FOXP2: variants seen among roughly 807,000 people sequenced by gnomAD.
FOXP2 encodes the protein forkhead box P2.
Under a neutral mutation model 115.8 loss-of-function variants are expected in FOXP2, and 12 were observed. That is an observed-to-expected ratio of 0.10 (90% CI 0.07 to 0.17). The LOEUF is 0.17. Ranked by LOEUF, FOXP2 falls within the 10% of genes least tolerant of loss-of-function variation. FOXP2 has a pLI of 1.00. For synonymous variants in FOXP2, 328 were observed against 297.7 expected, an observed-to-expected ratio of 1.10 and a Z score of -1.05; for missense variants, 629 against 843.5, an observed-to-expected ratio of 0.75 and a Z score of 3.15.
chr7:114,216,066 T>C (rs1320102863), intron 1 of FOXP2, among the ~76,000 whole-genome samples: 1 of 152,120 alleles, frequency 6.6e-6, no homozygotes, highest in Non-Finnish European at 1.5e-5. Flanking sequence ...TTCATCTTCT[T>C]TACAGAAAGA....
intron 1 of FOXP2, among the ~76,000 whole-genome samples, chr7:114,152,314 C>T (rs1167363153): frequency 6.6e-6 from 1 of 152,072 alleles, no homozygotes; most frequent in Non-Finnish European, 1.5e-5. Flanking sequence ...CTATTATGTA[C>T]ACATCTTAAT....
chr7:114,111,710 A>AC (rs1791271775), intron 1 of FOXP2, among the ~76,000 whole-genome samples: 1 of 152,064 alleles, frequency 6.6e-6, no homozygotes, highest in Non-Finnish European at 1.5e-5. Context: ...ACAGGATTTA[A>AC]AAAAATATAT....
At chr7:114,433,010 T>G (rs1794183286) in intron 2 of FOXP2, among the ~76,000 whole-genome samples, 1 of 152,006 alleles carries the variant, frequency 6.6e-6, no homozygotes. Flanking sequence ...CTAGAGAGTT[T>G]GCAAAATGTC....
chr7:114,420,265 A>T (rs939286211), intron 1 of FOXP2, among the ~76,000 whole-genome samples: 2 of 151,906 alleles, frequency 1.3e-5, no homozygotes, highest in African/African-American at 2.4e-5. Context: ...TGGGAATTTG[A>T]CTGTAAGTGG....
chr7:114,690,020 CTATT>C lies in FOXP2; in HGVS notation c.*99_*102del, dbSNP rs1808578437. ...AATATTTGACAAATTTTTACTGTGA[CTATT>C]TATTAAGCATGGATAAAGGAGACAG... is the stretch of plus-strand genomic sequence containing the variant. On this transcript the variant is annotated 3_prime_UTR_variant, in exon 17 of 17. Transcript: ENST00000350908. 2.7e-6 allele frequency: 4 copies of C among 1,475,916 alleles called. No individual in the cohort carries two copies. The highest frequency in any genetic ancestry group is 4.6e-5 in the East Asian group (2 of 43,862). The allele number at this position is 1,475,916 out of a possible 1,614,324, so 91.4% of individuals were successfully genotyped here.
intron 1 of FOXP2, among the ~76,000 whole-genome samples, chr7:114,266,626 C>T (rs1795902451): frequency 6.6e-6 from 1 of 152,170 alleles, no homozygotes; most frequent in African/African-American, 2.4e-5. Flanking sequence ...TGCCCCCAGA[C>T]ACCTCCCAAT....
intron 3 of FOXP2, among the ~76,000 whole-genome samples, chr7:114,614,660 G>A (rs370540230): frequency 2.2e-4 from 34 of 152,116 alleles, no homozygotes; most frequent in East Asian, 1.9e-3. Context: ...TGGCATTGAT[G>A]CTAACATACG....
At chr7:114,456,656 T>C (rs946739782) in intron 2 of FOXP2, among the ~76,000 whole-genome samples, 1 of 152,234 alleles carries the variant, frequency 6.6e-6, no homozygotes, top group Non-Finnish European at 1.5e-5. Flanking sequence ...ATCATTGTGA[T>C]TGATTTTTAA....
At position 114,133,521 on chromosome 7, in the gene FOXP2, C is replaced by T. The variant is rs1437220865; in HGVS notation, c.-246-29423C>T. On this transcript the variant is annotated intron_variant, in intron 1 of 19. Transcript: ENST00000635638. Reference sequence around the variant, plus strand: ...TCCAAGGACTGAGCCCTGGGGCGTTCCACTGTTGATATTTTGAGTAAATAA... The same window carrying T: ...TCCAAGGACTGAGCCCTGGGGCGTTTCACTGTTGATATTTTGAGTAAATAA... Among the ~76,000 whole-genome samples, 5 of 152,216 alleles carry T rather than the reference C, an allele frequency of 3.3e-5. No individual in the cohort carries two copies. The East Asian group carries it at 9.6e-4, about 29-fold the overall frequency.
rs148678106 is a variant in FOXP2, at chr7:114,362,930, G to A, written c.-10-63572G>A. ...CTTGTTAAAGGGTGGATGACAACTG[G>A]AAGAGAAGTCTATAATTGACATAGC... On this transcript the variant is annotated intron_variant, in intron 2 of 17. Coordinates refer to the FOXP2 transcript ENST00000634411. 9.8e-3 allele frequency among the ~76,000 whole-genome samples: 1,494 copies of A among 152,110 alleles called. 20 individuals are homozygous for A. The highest frequency in any genetic ancestry group is 0.018 in the Admixed American group (279 of 15,264).
chr7:114,331,532 A>G (rs1271180964), intron 2 of FOXP2, among the ~76,000 whole-genome samples: 2 of 152,062 alleles, frequency 1.3e-5, no homozygotes, highest in African/African-American at 4.8e-5. Context: ...TGGTCATTGG[A>G]TTGGCTGTGG....
intron 3 of FOXP2, among the ~76,000 whole-genome samples, chr7:114,566,938 T>C (rs1801053419): frequency 6.6e-6 from 1 of 151,904 alleles, no homozygotes; most frequent in Admixed American, 6.6e-5. Flanking sequence ...TTGCAAAAAA[T>C]ATTATTTTTC....
intron 2 of FOXP2, among the ~76,000 whole-genome samples, chr7:114,457,210 ATTTG>A (rs1243450141): frequency 6.6e-6 from 1 of 152,160 alleles, no homozygotes; most frequent in East Asian, 1.9e-4. Context: ...GGATATGTTT[ATTTG>A]TTTGACAGTA....
intron 1 of FOXP2, among the ~76,000 whole-genome samples, chr7:114,263,340 CTTCT>C (rs944903719): frequency 4.6e-5 from 7 of 150,930 alleles, no homozygotes; most frequent in African/African-American, 1.2e-4. Context: ...TCCTTTATGA[CTTCT>C]TTTTCTTTTT....
chr7:114,273,661 T>A (rs1476471109), intron 1 of FOXP2, among the ~76,000 whole-genome samples: 1 of 152,102 alleles, frequency 6.6e-6, no homozygotes, highest in Non-Finnish European at 1.5e-5. Flanking sequence ...AGGATTGTTG[T>A]CTTCTTAGAG....
At chr7:114,538,684 G>A (rs1216816815) in intron 3 of FOXP2, among the ~76,000 whole-genome samples, 1 of 151,526 alleles carries the variant, frequency 6.6e-6, no homozygotes, top group Non-Finnish European at 1.5e-5. Context: ...TAAATTCCAT[G>A]GTTAAATATT....
intron 2 of FOXP2, among the ~76,000 whole-genome samples, chr7:114,365,388 C>T (rs981339729): frequency 3.9e-5 from 6 of 152,054 alleles, no homozygotes; most frequent in Non-Finnish European, 8.8e-5. Context: ...CAGAGAATTC[C>T]TGTTAGACTC....
chr7:114,582,886 T>C (rs1365604746), intron 3 of FOXP2, among the ~76,000 whole-genome samples: 1 of 152,168 alleles, frequency 6.6e-6, no homozygotes, highest in Non-Finnish European at 1.5e-5. Context: ...CCCTTAGACA[T>C]ATTTAACTAC....
At chr7:114,505,583 A>C (rs1279333570) in intron 2 of FOXP2, among the ~76,000 whole-genome samples, 2 of 151,432 alleles carry the variant, frequency 1.3e-5, no homozygotes, top group Admixed American at 6.6e-5. Flanking sequence ...AAAAAAAATC[A>C]ACACAAAAGT....
Sources: allele counts gnomAD v4.1 joint callset (sites outside exome capture counted in the v4.1 genomes callset), GRCh38; gene constraint gnomAD v4.1.1; transcripts MANE v1.5; gene names NCBI Gene and HGNC (gene_info 2026-07-23, HGNC 2026-07-21).